FHOD3: variants seen among roughly 807,000 people sequenced by gnomAD.
FHOD3 encodes the protein formin homology 2 domain containing 3, also known as FH1/FH2 domain-containing protein 3.
In FHOD3, 90 loss-of-function variants were observed where a neutral mutation model predicts 173.0. The observed-to-expected ratio is 0.52, with a 90% CI of 0.44 to 0.62. The LOEUF (loss-of-function observed/expected upper bound fraction) is 0.62. Among genes scored for constraint, FHOD3 ranks in the 20% least tolerant of loss-of-function variants. FHOD3 has a pLI of 0.00. For missense variants in FHOD3, 1,945 were observed against 2,034.7 expected, an observed-to-expected ratio of 0.96 and a Z score of 0.85; for synonymous variants, 828 against 823.0, an observed-to-expected ratio of 1.01 and a Z score of -0.10.
chr18:36,422,680 C>A (rs893151592), intron 3 of FHOD3, among the ~76,000 whole-genome samples: 1 of 152,170 alleles, frequency 6.6e-6, no homozygotes, highest in African/African-American at 2.4e-5. Flanking sequence ...CTGCTTTTCT[C>A]CAGTGCCCCA....
chr18:36,357,762 C>T (rs1252029315), intron 2 of FHOD3, among the ~76,000 whole-genome samples: 2 of 152,112 alleles, frequency 1.3e-5, no homozygotes, highest in African/African-American at 4.8e-5. Context: ...GACTTCATGG[C>T]TCATTGATCA....
chr18:36,670,585 G>T (rs1001246484), intron 14 of FHOD3, among the ~76,000 whole-genome samples: 1 of 152,022 alleles, frequency 6.6e-6, no homozygotes, highest in Admixed American at 6.6e-5. Context: ...CTAGCTTCTT[G>T]AATATGTGGA....
chr18:36,627,572 G>A (rs983582150), intron 10 of FHOD3, among the ~76,000 whole-genome samples: 4 of 152,094 alleles, frequency 2.6e-5, no homozygotes, highest in Admixed American at 2.6e-4. Flanking sequence ...CACTTTACTG[G>A]AATTATTACT....
At chr18:36,306,144 C>T (rs2092089691) in intron 1 of FHOD3, among the ~76,000 whole-genome samples, 1 of 152,184 alleles carries the variant, frequency 6.6e-6, no homozygotes, top group African/African-American at 2.4e-5. Flanking sequence ...GATTTCATGA[C>T]ATATGTGCTT....
intron 5 of FHOD3, among the ~76,000 whole-genome samples, chr18:36,541,249 CAAAAAAA>C (rs770104487): frequency 1.5e-4 from 6 of 40,358 alleles, no homozygotes; most frequent in African/African-American, 3.5e-4. Context: ...GACTCTGTCT[CAAAAAAA>C]AAAAAAAAAA....
chr18:36,617,833 A>G (rs2033352126), intron 9 of FHOD3, among the ~76,000 whole-genome samples: 1 of 152,050 alleles, frequency 6.6e-6, no homozygotes, highest in South Asian at 2.1e-4. Context: ...ATTTTTGGTA[A>G]CTATATTTTT....
At chr18:36,561,566 A>G (rs1406103054) in intron 5 of FHOD3, among the ~76,000 whole-genome samples, 3 of 152,216 alleles carry the variant, frequency 2.0e-5, no homozygotes, top group Non-Finnish European at 4.4e-5. Context: ...TTTATTGTGG[A>G]TATATCATAA....
chr18:36,483,781 G>T lies in FHOD3; in HGVS notation c.338-18151G>T, dbSNP rs184825766. On this transcript the variant is annotated intron_variant, in intron 3 of 28. Coordinates refer to ENST00000590592, the MANE Select transcript of FHOD3 (RefSeq NM_001281740.3). ...ATCGGAGAAGCATTTTGTCATCTCT[G>T]ATGCTGGTTAATGAGCCCTCTGGAG... Among the ~76,000 whole-genome samples the T allele has an allele frequency of 2.1e-3, 314 of 152,310 alleles. 1 individual carries two copies. Among genetic ancestry groups the T allele is most frequent in the African/African-American group, 7.3e-3 (303 of 41,566 alleles).
chr18:36,314,302 A>G (rs2092317762), intron 1 of FHOD3, among the ~76,000 whole-genome samples: 1 of 152,210 alleles, frequency 6.6e-6, no homozygotes, highest in Non-Finnish European at 1.5e-5. Context: ...AACGCCTATG[A>G]CAGAGCTGTG....
chr18:36,741,230 A>C (rs2041887153), intron 21 of FHOD3, among the ~76,000 whole-genome samples: 1 of 152,166 alleles, frequency 6.6e-6, no homozygotes. Flanking sequence ...GGCAATTAGC[A>C]GGTCTTTTTA....
chr18:36,550,965 TAA>T (rs1319217005), intron 5 of FHOD3, among the ~76,000 whole-genome samples: 2 of 152,192 alleles, frequency 1.3e-5, no homozygotes, highest in Non-Finnish European at 2.9e-5. Context: ...ATAGAAGTGA[TAA>T]GAGTAGACAT....
intron 3 of FHOD3, among the ~76,000 whole-genome samples, chr18:36,456,672 A>G (rs1223987368): frequency 6.6e-6 from 1 of 152,008 alleles, no homozygotes; most frequent in Non-Finnish European, 1.5e-5. Flanking sequence ...CAACAGTGTC[A>G]GTGATGGGGT....
At chr18:36,711,018 A>G (rs1466447034) in intron 18 of FHOD3, 1 of 152,236 alleles carries the variant, frequency 6.6e-6, no homozygotes, top group Non-Finnish European at 1.5e-5. Flanking sequence ...AAGAAGGACA[A>G]TTTTCCAAAA....
chr18:36,502,085 A>T, intron 4 of FHOD3, 86 bp downstream of exon 4: 1 of 775,560 alleles, frequency 1.3e-6, no homozygotes. Flanking sequence ...ACTTGTTATG[A>T]AAAGGAAGGA....
chr18:36,417,472 A>G (rs1174670156), intron 3 of FHOD3, among the ~76,000 whole-genome samples: 1 of 152,100 alleles, frequency 6.6e-6, no homozygotes, highest in African/African-American at 2.4e-5. Context: ...TCTATCATTC[A>G]TGGGCATTTA....
chr18:36,543,165 A>T (rs1349766710), intron 5 of FHOD3, among the ~76,000 whole-genome samples: 1 of 152,198 alleles, frequency 6.6e-6, no homozygotes, highest in African/African-American at 2.4e-5. Context: ...CTGGATCTTC[A>T]GCCTGCCAGC....
intron 2 of FHOD3, among the ~76,000 whole-genome samples, chr18:36,357,297 C>G (rs2046405434): frequency 6.6e-6 from 1 of 152,186 alleles, no homozygotes; most frequent in African/African-American, 2.4e-5. Flanking sequence ...TTCTCTGCGG[C>G]TAACACTTTA....
At chr18:36,558,160 T>C (rs1411832614) in intron 5 of FHOD3, among the ~76,000 whole-genome samples, 2 of 152,208 alleles carry the variant, frequency 1.3e-5, no homozygotes, top group Non-Finnish European at 2.9e-5. Flanking sequence ...CAGGCTCTTT[T>C]TTTCTAGGTG....
chr18:36,682,821 C>A (rs148316538), intron 15 of FHOD3, among the ~76,000 whole-genome samples: 2 of 152,162 alleles, frequency 1.3e-5, no homozygotes, highest in South Asian at 4.1e-4. Flanking sequence ...TCAAGTGATC[C>A]ACCTGCCTCA....
Sources: allele counts gnomAD v4.1 joint callset (sites outside exome capture counted in the v4.1 genomes callset), GRCh38; gene constraint gnomAD v4.1.1; transcripts MANE v1.5; gene names NCBI Gene and HGNC (gene_info 2026-07-23, HGNC 2026-07-21).